Variants in CLPB observed in about 807,000 individuals in gnomAD.
CLPB encodes the protein ClpB family mitochondrial disaggregase, also known as mitochondrial disaggregase.
A neutral mutation model predicts 78.4 loss-of-function variants in CLPB; 40 were observed. The observed-to-expected ratio is 0.51, with a 90% CI of 0.40 to 0.66. The LOEUF is 0.66. CLPB is among the 30% of genes least tolerant of loss of function. CLPB has a pLI of 0.00. For synonymous variants in CLPB, 333 were observed against 348.0 expected, an observed-to-expected ratio of 0.96 and a Z score of 0.48; for missense variants, 780 against 886.9, an observed-to-expected ratio of 0.88 and a Z score of 1.53.
At chr11:72,376,496 T>A (rs887718365) in intron 4 of CLPB, among the ~76,000 whole-genome samples, 1 of 145,502 alleles carries the variant, frequency 6.9e-6, no homozygotes, top group Non-Finnish European at 1.5e-5. Context: ...TCCAAACTGA[T>A]ACACCCAGGA....
chr11:72,318,727 C>G (rs1025596383), intron 6 of CLPB, among the ~76,000 whole-genome samples: 3 of 152,202 alleles, frequency 2.0e-5, no homozygotes, highest in Admixed American at 2.0e-4. Flanking sequence ...CAGTCTATAA[C>G]TGAAAGCTCC....
At chr11:72,409,598 A>AT (rs1217644195) in intron 2 of CLPB, among the ~76,000 whole-genome samples, 6 of 152,132 alleles carry the variant, frequency 3.9e-5, no homozygotes, top group Admixed American at 6.5e-5. Flanking sequence ...ACAAAAAAAA[A>AT]GTCCAGAGTT....
chr11:72,341,099 C>T (rs1378659775), intron 5 of CLPB, among the ~76,000 whole-genome samples: 1 of 152,160 alleles, frequency 6.6e-6, no homozygotes, highest in Non-Finnish European at 1.5e-5. Flanking sequence ...GGATTACAGG[C>T]GTGAGCCACC....
At chr11:72,384,868 C>A (rs569150381) in intron 3 of CLPB, among the ~76,000 whole-genome samples, 2 of 152,136 alleles carry the variant, frequency 1.3e-5, no homozygotes, top group African/African-American at 2.4e-5. Context: ...TATATATGCA[C>A]CTAACATCAC....
chr11:72,335,518 C>T (rs1950304339), intron 5 of CLPB, among the ~76,000 whole-genome samples: 1 of 152,164 alleles, frequency 6.6e-6, no homozygotes, highest in Admixed American at 6.5e-5. Flanking sequence ...TCTCACCAAC[C>T]CCACTTCCAT....
chr11:72,434,067 A>G lies in CLPB; in HGVS notation c.403+5T>C, dbSNP rs1856629969. On this transcript the variant is annotated splice_donor_5th_base_variant and intron_variant, in intron 1 of 15. Transcript: ENST00000538039. Reference sequence around the variant, plus strand: ...CCCTTCCTCAAACCCAGATCTCATAATCACCCTTGTTGGACGGACTCTTGC... The same window carrying G: ...CCCTTCCTCAAACCCAGATCTCATAGTCACCCTTGTTGGACGGACTCTTGC... 2 of 1,608,722 alleles carry G rather than the reference A, an allele frequency of 1.2e-6. No individual in the cohort carries two copies. The highest frequency in any genetic ancestry group is 1.1e-5 in the South Asian group (1 of 90,972).
At chr11:72,415,804 TAGA>T (rs955942936) in intron 2 of CLPB, among the ~76,000 whole-genome samples, 3 of 152,168 alleles carry the variant, frequency 2.0e-5, no homozygotes, top group Admixed American at 2.0e-4. Flanking sequence ...GCCATATTAA[TAGA>T]AGTATAAAAT....
At chr11:72,393,966 A>C (rs1486323274) in intron 3 of CLPB, among the ~76,000 whole-genome samples, 1 of 152,210 alleles carries the variant, frequency 6.6e-6, no homozygotes, top group African/African-American at 2.4e-5. Flanking sequence ...CAATGACCTC[A>C]ATGAAATCAG....
chr11:72,314,067 A>T lies in CLPB; in HGVS notation c.988+3039T>A, dbSNP rs187544295. ...AGTCCAGAAGGGTGCAAAGCTTGGG[A>T]AGATTATGTTTTTGGGCTGGTCAAA... On this transcript the variant is annotated intron_variant, in intron 7 of 15. Transcript: ENST00000538039. 3.9e-4 allele frequency among the ~76,000 whole-genome samples: 59 copies of T among 152,274 alleles called. 2 individuals are homozygous for T. The East Asian group carries it at 0.01, about 26-fold the overall frequency.
intron 3 of CLPB, among the ~76,000 whole-genome samples, chr11:72,401,422 C>G (rs1443342481): frequency 6.6e-6 from 1 of 151,926 alleles, no homozygotes; most frequent in Non-Finnish European, 1.5e-5. Flanking sequence ...AGCCTGGCAA[C>G]AGAGTGAGAC....
chr11:72,307,355 T>G (rs746010521), intron 8 of CLPB, 101 bp from the exon 9 acceptor site: 48 of 996,880 alleles, frequency 4.8e-5, no homozygotes, highest in Non-Finnish European at 7.3e-5. Context: ...GAATATATTC[T>G]ATGGATGAGA....
intron 4 of CLPB, among the ~76,000 whole-genome samples, chr11:72,373,267 G>A (rs1283074572): frequency 6.6e-6 from 1 of 152,046 alleles, no homozygotes; most frequent in Non-Finnish European, 1.5e-5. Flanking sequence ...ACATATGAGA[G>A]GCACTCAAAA....
At chr11:72,390,453 G>GAAAAAAA in intron 3 of CLPB, among the ~76,000 whole-genome samples, 1 of 69,652 alleles carries the variant, frequency 1.4e-5, no homozygotes, top group Admixed American at 1.5e-4. Context: ...AAACGAAATA[G>GAAAAAAA]AAAAAAAAAA....
intron 3 of CLPB, among the ~76,000 whole-genome samples, chr11:72,387,311 C>T (rs1418026900): frequency 6.6e-6 from 1 of 152,114 alleles, no homozygotes; most frequent in African/African-American, 2.4e-5. Context: ...ATAAGAGTAG[C>T]TCATCTGGTT....
chr11:72,431,914 G>A (rs1237230384), intron 1 of CLPB, among the ~76,000 whole-genome samples: 1 of 152,126 alleles, frequency 6.6e-6, no homozygotes, highest in African/African-American at 2.4e-5. Flanking sequence ...AATAGACCCT[G>A]GTATTCTTGC....
chr11:72,299,696 G>A (rs541475807), intron 11 of CLPB, among the ~76,000 whole-genome samples: 1 of 152,328 alleles, frequency 6.6e-6, no homozygotes, highest in South Asian at 2.1e-4. Context: ...CTCTGGGAAT[G>A]GTTCAAGTGA....
rs1018609907 is a variant in CLPB, at chr11:72,352,058, G to T, written c.775+6822C>A. 5.3e-5 allele frequency among the ~76,000 whole-genome samples: 8 copies of T among 152,242 alleles called. No homozygotes were observed. The East Asian group carries it at 1.5e-3, about 29-fold the overall frequency. On this transcript the variant is annotated intron_variant, in intron 5 of 15. Transcript: ENST00000538039. ...CCCAGTCACTACCCACACTCTCGAG[G>T]TTAAGCACTACCCTGACTTCTTATG...
At chr11:72,366,593 C>G (rs1027423786) in intron 4 of CLPB, among the ~76,000 whole-genome samples, 10 of 151,956 alleles carry the variant, frequency 6.6e-5, no homozygotes, top group African/African-American at 2.4e-4. Flanking sequence ...AAAAATGGGC[C>G]AAAGACAAGG....
At chr11:72,325,903 C>T (rs1027546301) in intron 6 of CLPB, among the ~76,000 whole-genome samples, 3 of 152,080 alleles carry the variant, frequency 2.0e-5, no homozygotes, top group African/African-American at 7.2e-5. Context: ...GGACTGTCAA[C>T]CACATTTTTT....
Sources: gnomAD v4.1 joint callset for allele counts (sites outside exome capture counted in the v4.1 genomes callset) on GRCh38, gnomAD v4.1.1 for gene constraint, MANE v1.5 for transcripts, NCBI Gene and HGNC (gene_info 2026-07-23, HGNC 2026-07-21) for gene names.